The following NKX6-1 variants were observed in gnomAD, a reference collection of about 807,000 sequenced individuals.
The protein encoded by NKX6-1 is homeobox protein Nkx-6.1.
Under a neutral mutation model 24.9 loss-of-function variants are expected in NKX6-1, and 11 were observed. The ratio of observed to expected loss-of-function variants is 0.44; its 90% CI spans 0.28 to 0.73. The LOEUF is 0.73. Among genes scored for constraint, NKX6-1 ranks in the 30% least tolerant of loss-of-function variants. The pLI is 0.15. For synonymous variants in NKX6-1, 277 were observed against 242.9 expected (o/e 1.14, Z -1.31); for missense variants, 487 against 502.9 (o/e 0.97, Z 0.30).
chr4:84,498,575 T>G lies in NKX6-1; in HGVS notation c.-347A>C. 3.9e-6 allele frequency: 1 copy of G among 254,870 alleles called. No homozygotes were observed. The highest frequency in any genetic ancestry group is 7.4e-6 in the Non-Finnish European group (1 of 135,222). The allele number at this position is 254,870 out of a possible 1,614,324, so 15.8% of individuals were successfully genotyped here. A position where few individuals can be genotyped will look rare whatever the true frequency, so the allele number is the denominator to read the frequency against. ...TCAAAGTGCGCTACTTCTCATCTTC[T>G]GCCCCCGGGAAATAAGCAAAACAAA... is the stretch of plus-strand genomic sequence containing the variant. On this transcript the variant is annotated 5_prime_UTR_variant, in exon 1 of 3. Transcript: ENST00000295886.
chr4:84,495,611 G>A lies in NKX6-1; in HGVS notation c.843+61C>T, dbSNP rs575467432. 5.0e-6 allele frequency: 7 copies of A among 1,403,412 alleles called. No individual in the cohort carries two copies. The African/African-American group carries it at 9.9e-5, about 20-fold the overall frequency. The allele number at this position is 1,403,412 out of a possible 1,614,324, so 86.9% of individuals were successfully genotyped here. A position where few individuals can be genotyped will look rare whatever the true frequency, so the allele number is the denominator to read the frequency against. ...TGTGTGTGTGTGTGTGTGTGCCCAT[G>A]TGTGCACGCGCGCGCGACAGGGGCG... On this transcript the variant is annotated intron_variant, in intron 2 of 2. Coordinates refer to ENST00000295886, the MANE Select transcript of NKX6-1 (RefSeq NM_006168.3).
In NKX6-1 at chr4:84,497,688, C is replaced by G; in HGVS notation, c.541G>C (p.Ala181Pro). The G allele has an allele frequency of 7.9e-7, 1 of 1,271,910 alleles. No homozygotes were observed. The highest frequency in any genetic ancestry group is 9.9e-7 in the Non-Finnish European group (1 of 1,005,356). The allele number at this position is 1,271,910 out of a possible 1,614,324, so 78.8% of individuals were successfully genotyped here. Residue 181 changes from alanine (A) to proline (P), a missense_variant, in exon 1 of 3, where the codon GCC becomes CCC. Coordinates refer to ENST00000295886, the MANE Select transcript of NKX6-1 (RefSeq NM_006168.3). The surrounding 1 kb of genome is among the most constrained non-coding windows in gnomAD (Gnocchi z 4.8). ...CGGCCCACGGCGGCCACGGCCGCGG[C>G]GCTGGGGCTGAAGTAGAGCCCGGGC... ...PPPGLYFSPSAAAVAAVGRYP... is the reference protein window; with the variant it reads ...PPPGLYFSPSPAAVAAVGRYP...
intron 1 of NKX6-1, chr4:84,496,949 T>G (rs1016432216): frequency 2.0e-5 from 3 of 152,284 alleles, no homozygotes; most frequent in Non-Finnish European, 2.9e-5. Flanking sequence ...CTGTCTTCAA[T>G]GGGCTCACCC....
Position 84,498,061 on chromosome 4 carries a change from G to GGACGAC in NKX6-1, c.162_167dup (p.Ser58_Ser59dup), listed in dbSNP as rs772315752. 3.2e-6 allele frequency: 4 copies of GGACGAC among 1,251,542 alleles called. No homozygotes were observed. In the African/African-American group the frequency reaches 4.6e-5, roughly 14 times the overall value. 77.5% of individuals were successfully genotyped at this position (1,251,542 alleles called of 1,614,324 possible). On this transcript the variant is annotated inframe_insertion, in exon 1 of 3. Transcript: ENST00000295886. ...CCAGAGGCGGGGAGGGCGACGAGGA[G>GGACGAC]GACGACGACGAGGACGAGGAGGAGG... is the stretch of plus-strand genomic sequence containing the variant.
chr4:84,494,414 CAT>C (rs1231109321), intron 2 of NKX6-1, among the ~76,000 whole-genome samples: 2 of 152,276 alleles, frequency 1.3e-5, no homozygotes, highest in African/African-American at 4.8e-5. Context: ...ATGTTTGACA[CAT>C]ATTTTACCTA....
rs544899277 is a variant in NKX6-1 at position 84,493,319 on chromosome 4, CAGT to C, written c.1071_1073del (p.Leu358del). ...ATGAGCTCTCCGGCTCGGACGCGTG[CAGT>C]AGGAGGCCGCCGCCGCCGCCGCTGC... On this transcript the variant is annotated inframe_deletion, in exon 3 of 3. Transcript: ENST00000295886. This position sits in a 1 kb window ranked among gnomAD's most constrained non-coding sequence, Gnocchi z 5.1. 36 of 1,607,800 alleles carry C rather than the reference CAGT, an allele frequency of 2.2e-5. No individual in the cohort carries two copies. The South Asian group carries it at 3.3e-4, about 15-fold the overall frequency.
At position 84,493,054 on chromosome 4, in the gene NKX6-1, G is replaced by T; in HGVS notation, c.*235C>A. 2.9e-6 allele frequency: 1 copy of T among 348,534 alleles called. No individual in the cohort carries two copies. Among genetic ancestry groups the T allele is most frequent in the Non-Finnish European group, 5.1e-6 (1 of 196,332 alleles). The allele number at this position is 348,534 out of a possible 1,614,324, so 21.6% of individuals were successfully genotyped here. ...TAGCGACATTTACGCAGTGCATTTG[G>T]TGGTCTTTCTTGCCTTATCAACCCC... On this transcript the variant is annotated 3_prime_UTR_variant, in exon 3 of 3. Transcript: ENST00000295886. This position sits in a 1 kb window ranked among gnomAD's most constrained non-coding sequence, Gnocchi z 5.1.
At position 84,497,542 on chromosome 4, in the gene NKX6-1, C is replaced by CG. The variant is rs1411755441; in HGVS notation, c.670+16dup. 8.0e-6 allele frequency: 10 copies of CG among 1,253,912 alleles called. No homozygotes were observed. In the East Asian group the frequency reaches 3.1e-4, roughly 39 times the overall value. 77.7% of individuals were successfully genotyped at this position (1,253,912 alleles called of 1,614,324 possible). A position where few individuals can be genotyped will look rare whatever the true frequency, so the allele number is the denominator to read the frequency against. ...GGCACGGCAGGCAGGCATCGGGGCG[C>CG]GGGTGGTAGTACTCACGAGGGGTAC... On this transcript the variant is annotated intron_variant, in intron 1 of 2. Transcript: ENST00000295886. This position sits in a 1 kb window ranked among gnomAD's most constrained non-coding sequence, Gnocchi z 4.8.
In NKX6-1 at chr4:84,497,932, G is replaced by T; in HGVS notation, c.297C>A (p.Asn99Lys). 7.7e-7 allele frequency: 1 copy of T among 1,301,882 alleles called. No individual in the cohort carries two copies. The allele number at this position is 1,301,882 out of a possible 1,614,324, so 80.6% of individuals were successfully genotyped here. ...GCATGGAGGGCCGGCTCAGGATATC[G>T]TTGATGCCGTGTGGGGTGGCGGCCG... is the stretch of plus-strand genomic sequence containing the variant. ...QLSAATPHGI[N>K]DILSRPSMPV... is the part of the protein sequence containing the mutation. The change falls in exon 1 of 3, where the codon AAC (asparagine) becomes AAA (lysine). Residue 99 changes from asparagine to lysine, a missense_variant. Physicochemically the swap from Asn to Lys is moderately conservative, Grantham distance 94 (BLOSUM62 0). Around this residue, in one of 3 missense-constraint regions of NKX6-1, gnomAD observed 316 missense variants for 311.4 expected, o/e 1.01. Coordinates refer to ENST00000295886, the MANE Select transcript of NKX6-1 (RefSeq NM_006168.3). The surrounding 1 kb of genome is among the most constrained non-coding windows in gnomAD (Gnocchi z 4.8).
Position 84,492,318 on chromosome 4 carries a change from GC to G in NKX6-1, c.*970del. On this transcript the variant is annotated 3_prime_UTR_variant, in exon 3 of 3. Coordinates refer to ENST00000295886, the MANE Select transcript of NKX6-1 (RefSeq NM_006168.3). ...AAGGAGTTAAATACAAGCTATTGTA[GC>G]CCCTCCCTCCCCAATATTTTCTTTA... The G allele has an allele frequency of 6.6e-6, 1 of 152,198 alleles. No homozygotes were observed. Among genetic ancestry groups the G allele is most frequent in the Non-Finnish European group, 1.5e-5 (1 of 68,012 alleles). 9.4% of individuals were successfully genotyped at this position (152,198 alleles called of 1,614,324 possible). A position where few individuals can be genotyped will look rare whatever the true frequency, so the allele number is the denominator to read the frequency against.
rs1357129568 is a variant in NKX6-1 at position 84,492,463 on chromosome 4, T to A, written c.*826A>T. ...TCAAGTCCGGGGGGCGGGAGCGCAG[T>A]GTAGATCCAGGGGGTGGGCAGGGCA... is the stretch of plus-strand genomic sequence containing the variant. On this transcript the variant is annotated 3_prime_UTR_variant, in exon 3 of 3. Coordinates refer to ENST00000295886, the MANE Select transcript of NKX6-1 (RefSeq NM_006168.3). 2 of 145,176 alleles carry A rather than the reference T, an allele frequency of 1.4e-5. No individual in the cohort carries two copies. The highest frequency in any genetic ancestry group is 3.0e-5 in the Non-Finnish European group (2 of 66,530). The allele number at this position is 145,176 out of a possible 1,614,324, so 9.0% of individuals were successfully genotyped here. A position where few individuals can be genotyped will look rare whatever the true frequency, so the allele number is the denominator to read the frequency against.
At position 84,498,070 on chromosome 4, in the gene NKX6-1, C is replaced by A. The variant is rs1383960048; in HGVS notation, c.159G>T (p.Ser53=). Residue 53 remains serine (S), a synonymous_variant, in exon 1 of 3, where the codon TCG becomes TCT. Coordinates refer to ENST00000295886, the MANE Select transcript of NKX6-1 (RefSeq NM_006168.3). ...LPAGPPSSSS[S]SSSSSSPSPP... ...GGGAGGGCGACGAGGAGGACGACGA[C>A]GAGGACGAGGAGGAGGGGGGGCCGG... is the stretch of plus-strand genomic sequence containing the variant. The A allele has an allele frequency of 8.3e-7, 1 of 1,211,534 alleles. No homozygotes were observed. 75.0% of individuals were successfully genotyped at this position (1,211,534 alleles called of 1,614,324 possible). A position where few individuals can be genotyped will look rare whatever the true frequency, so the allele number is the denominator to read the frequency against.
At position 84,497,779 on chromosome 4, in the gene NKX6-1, G is replaced by C. The variant is rs1261703532; in HGVS notation, c.450C>G (p.Ala150=). 1 of 1,274,912 alleles carries C rather than the reference G, an allele frequency of 7.8e-7. No homozygotes were observed. The highest frequency in any genetic ancestry group is 1.5e-5 in the African/African-American group (1 of 64,552). The allele number at this position is 1,274,912 out of a possible 1,614,324, so 79.0% of individuals were successfully genotyped here. A position where few individuals can be genotyped will look rare whatever the true frequency, so the allele number is the denominator to read the frequency against. Reference sequence around the variant, plus strand: ...CGGCCAGCAGCCCCGCCGGGGATGAGGCGGCGGCTGCGGCCGCGGCAGCAG... The same window carrying C: ...CGGCCAGCAGCCCCGCCGGGGATGACGCGGCGGCTGCGGCCGCGGCAGCAG... ...AAAAAAAAAA[A]SSPAGLLAGL... Residue 150 remains alanine (A), a synonymous_variant, in exon 1 of 3, where the codon GCC becomes GCG. Transcript: ENST00000295886. The surrounding 1 kb of genome is among the most constrained non-coding windows in gnomAD (Gnocchi z 4.8).
rs537473741 is a variant in NKX6-1 at position 84,493,210 on chromosome 4, G to A, written c.*79C>T. 1 of 1,305,696 alleles carries A rather than the reference G, an allele frequency of 7.7e-7. No individual in the cohort carries two copies. The highest frequency in any genetic ancestry group is 9.8e-7 in the Non-Finnish European group (1 of 1,016,012). The allele number at this position is 1,305,696 out of a possible 1,614,324, so 80.9% of individuals were successfully genotyped here. A position where few individuals can be genotyped will look rare whatever the true frequency, so the allele number is the denominator to read the frequency against. On this transcript the variant is annotated 3_prime_UTR_variant, in exon 3 of 3. Transcript: ENST00000295886. This position sits in a 1 kb window ranked among gnomAD's most constrained non-coding sequence, Gnocchi z 5.1. ...CGGGCCCCGAGGAGCGGGCAGGCGC[G>A]GCGTGCACGCGGTCCCCGCGCCCCT...
chr4:84,492,963 G>A lies in NKX6-1; in HGVS notation c.*326C>T, dbSNP rs1578467033. 1 of 175,172 alleles carries A rather than the reference G, an allele frequency of 5.7e-6. No individual in the cohort carries two copies. Among genetic ancestry groups the A allele is most frequent in the Non-Finnish European group, 1.2e-5 (1 of 83,770 alleles). 10.9% of individuals were successfully genotyped at this position (175,172 alleles called of 1,614,324 possible). A position where few individuals can be genotyped will look rare whatever the true frequency, so the allele number is the denominator to read the frequency against. On this transcript the variant is annotated 3_prime_UTR_variant, in exon 3 of 3. Coordinates refer to ENST00000295886, the MANE Select transcript of NKX6-1 (RefSeq NM_006168.3). ...CAAAATCTGGGGGCGAGGGGGACCCGGGCGCTGAGGCCGCTGCCCGCCTAT... is the reference window on the plus strand; with the variant it reads ...CAAAATCTGGGGGCGAGGGGGACCCAGGCGCTGAGGCCGCTGCCCGCCTAT...
rs201077743 is a variant in NKX6-1, at chr4:84,495,624, C to T, written c.843+48G>A. ...GTGTGTGCCCATGTGTGCACGCGCG[C>T]GCGACAGGGGCGGTACCTATCCCTC... On this transcript the variant is annotated intron_variant, in intron 2 of 2. Transcript: ENST00000295886. The T allele has an allele frequency of 4.4e-5, 68 of 1,540,048 alleles. No individual in the cohort carries two copies. In the East Asian group the frequency reaches 1.4e-3, roughly 32 times the overall value.
rs1008695519 is a variant in NKX6-1, at chr4:84,497,496, G to A, written c.670+63C>T. On this transcript the variant is annotated intron_variant, in intron 1 of 2. Coordinates refer to ENST00000295886, the MANE Select transcript of NKX6-1 (RefSeq NM_006168.3). This position sits in a 1 kb window ranked among gnomAD's most constrained non-coding sequence, Gnocchi z 4.8. ...GAGCGGCATGCACACCAGGGGCCGC[G>A]ACCCGGGAGTGGGCAGAACAGGCAC... 2.4e-6 allele frequency: 3 copies of A among 1,249,226 alleles called. No homozygotes were observed. In the Admixed American group the frequency reaches 1.3e-4, roughly 53 times the overall value. 77.4% of individuals were successfully genotyped at this position (1,249,226 alleles called of 1,614,324 possible).
At position 84,493,202 on chromosome 4, in the gene NKX6-1, G is replaced by A; in HGVS notation, c.*87C>T. ...GGGTCCTCCGGGCCCCGAGGAGCGG[G>A]CAGGCGCGGCGTGCACGCGGTCCCC... On this transcript the variant is annotated 3_prime_UTR_variant, in exon 3 of 3. Coordinates refer to ENST00000295886, the MANE Select transcript of NKX6-1 (RefSeq NM_006168.3). The surrounding 1 kb of genome is among the most constrained non-coding windows in gnomAD (Gnocchi z 5.1). 1 of 1,256,306 alleles carries A rather than the reference G, an allele frequency of 8.0e-7. No homozygotes were observed. The highest frequency in any genetic ancestry group is 1.0e-6 in the Non-Finnish European group (1 of 975,752). The allele number at this position is 1,256,306 out of a possible 1,614,324, so 77.8% of individuals were successfully genotyped here.
intron 2 of NKX6-1, among the ~76,000 whole-genome samples, chr4:84,495,187 T>C (rs1467726002): frequency 2.6e-5 from 4 of 152,196 alleles, no homozygotes; most frequent in Non-Finnish European, 5.9e-5. Flanking sequence ...TTAGATCCTG[T>C]GGATTTATTT....
Sources: allele counts gnomAD v4.1 joint callset (sites outside exome capture counted in the v4.1 genomes callset), GRCh38; gene constraint gnomAD v4.1.1; regional missense constraint gnomAD v4.1.1; non-coding constraint Gnocchi (gnomAD v3.1); transcripts MANE v1.5; gene names NCBI Gene and HGNC (gene_info 2026-07-23, HGNC 2026-07-21).